TMEM196: variants seen among roughly 807,000 people sequenced by gnomAD.
TMEM196 encodes transmembrane protein 196.
In TMEM196, 17 loss-of-function variants were observed where a neutral mutation model predicts 20.0. The observed-to-expected ratio is 0.85, with a 90% CI of 0.58 to 1.27. TMEM196 has a LOEUF of 1.27. TMEM196 is among the 50% of genes most tolerant of loss of function. TMEM196 has a pLI of 0.00. For synonymous variants in TMEM196, 113 were observed against 88.9 expected (o/e 1.27, Z -1.52); for missense variants, 267 against 223.0 (o/e 1.20, Z -1.26).
intron 1 of TMEM196, among the ~76,000 whole-genome samples, chr7:19,734,693 G>C (rs1784336142): frequency 6.6e-6 from 1 of 152,162 alleles, no homozygotes; most frequent in African/African-American, 2.4e-5. Flanking sequence ...CAAGGAATTT[G>C]ATTCTCCCTG....
intron 1 of TMEM196, among the ~76,000 whole-genome samples, chr7:19,765,459 G>A (rs1187199602): frequency 6.6e-6 from 1 of 152,144 alleles, no homozygotes; most frequent in African/African-American, 2.4e-5. Context: ...CATGGCTTGT[G>A]AAGCTACTAT....
chr7:19,743,002 A>G (rs1784629931), intron 1 of TMEM196, among the ~76,000 whole-genome samples: 1 of 152,060 alleles, frequency 6.6e-6, no homozygotes, highest in Non-Finnish European at 1.5e-5. Context: ...TCTTGTTCAT[A>G]CTTATCTCCA....
intron 1 of TMEM196, among the ~76,000 whole-genome samples, chr7:19,757,002 G>C (rs1765787084): frequency 6.6e-6 from 1 of 152,038 alleles, no homozygotes; most frequent in South Asian, 2.1e-4. Flanking sequence ...CACAGTTCCA[G>C]TAATGGCTAC....
Position 19,766,733 on chromosome 7 carries a change from A to G in TMEM196, c.147+5817T>C, listed in dbSNP as rs901566550. On this transcript the variant is annotated intron_variant, in intron 1 of 4. Transcript: ENST00000405844. ...TGTGTGTATGCAAGTGCATACACAC[A>G]CACACACATCAAAATCTATTATAGC... Among the ~76,000 whole-genome samples the G allele has an allele frequency of 2.6e-5, 4 of 151,606 alleles. No homozygotes were observed. In the South Asian group the frequency reaches 8.3e-4, roughly 31 times the overall value.
chr7:19,758,048 G>A (rs1224029632), intron 1 of TMEM196, among the ~76,000 whole-genome samples: 2 of 150,636 alleles, frequency 1.3e-5, no homozygotes, highest in Admixed American at 6.6e-5. Flanking sequence ...GAATTAAAAA[G>A]AAAATGCTCA....
chr7:19,762,660 C>T (rs1785482618), intron 1 of TMEM196, among the ~76,000 whole-genome samples: 1 of 151,948 alleles, frequency 6.6e-6, no homozygotes, highest in Admixed American at 6.6e-5. Context: ...ATATAAAGCT[C>T]ACAACTTGAA....
chr7:19,745,155 C>T (rs1682056394), intron 1 of TMEM196, among the ~76,000 whole-genome samples: 1 of 152,092 alleles, frequency 6.6e-6, no homozygotes, highest in African/African-American at 2.4e-5. Flanking sequence ...AATGCAAAGA[C>T]AATATAAATG....
chr7:19,727,282 C>T (rs773572601), intron 2 of TMEM196, among the ~76,000 whole-genome samples: 1 of 152,070 alleles, frequency 6.6e-6, no homozygotes, highest in African/African-American at 2.4e-5. Context: ...GAAAGGGATA[C>T]ATGTGTTGCC....
intron 1 of TMEM196, among the ~76,000 whole-genome samples, chr7:19,764,445 A>T (rs528710766): frequency 7.2e-5 from 11 of 152,298 alleles, no homozygotes; most frequent in African/African-American, 1.7e-4. Flanking sequence ...CACCCTAACA[A>T]GGCTGATATC....
At position 19,725,682 on chromosome 7, in the gene TMEM196, A is replaced by C. The variant is rs1478496612; in HGVS notation, c.291T>G (p.Thr97=). The part of the protein sequence containing the change: ...FQFLRAVTKK[T]SSLYPLHLAS... ...CAAGGTGCAGTGGGTATAGGGAGGA[A>C]GTTTTCTTTGTGACTGCCCGGAGGA... The change falls in exon 3 of 5, where the codon ACT becomes ACG. Residue 97 remains threonine, a synonymous_variant. Transcript: ENST00000405844. 6.2e-7 allele frequency: 1 copy of C among 1,613,904 alleles called. No individual in the cohort carries two copies. The highest frequency in any genetic ancestry group is 1.7e-5 in the Admixed American group (1 of 59,994).
rs1372958944 is a variant in TMEM196 at position 19,772,565 on chromosome 7, G to A, written c.132C>T (p.Leu44=). Residue 44 remains leucine, a synonymous_variant, in exon 1 of 5, where the codon CTC becomes CTT. Coordinates refer to ENST00000405844, the MANE Select transcript of TMEM196 (RefSeq NM_001363562.2). The part of the protein sequence containing the change: ...SLALREHKPQ[L]GDSSPFLLCG... ...CGCTCCATACCGGGGACGAGTCTCCGAGCTGCGGCTTGTGCTCTCGGAGGG... is the reference window on the plus strand; with the variant it reads ...CGCTCCATACCGGGGACGAGTCTCCAAGCTGCGGCTTGTGCTCTCGGAGGG... 3.2e-6 allele frequency: 5 copies of A among 1,544,794 alleles called. No individual in the cohort carries two copies. In the South Asian group the frequency reaches 4.8e-5, roughly 15 times the overall value.
chr7:19,725,598 A>G lies in TMEM196; in HGVS notation c.375T>C (p.Thr125=), dbSNP rs1290016002. 7 of 1,614,098 alleles carry G rather than the reference A, an allele frequency of 4.3e-6. No homozygotes were observed. The highest frequency in any genetic ancestry group is 5.1e-6 in the Non-Finnish European group (6 of 1,179,990). The part of the protein sequence containing the change: ...IGGCTLSSWL[T]CRLASYEQRR... The stretch of plus-strand genomic sequence containing the variant: ...TCTGTTCATAACTGGCTAGTCGACA[A>G]GTGAGCCAGGAAGAGAGAGTGCAGC... The change falls in exon 3 of 5, where the codon ACT becomes ACC. Residue 125 remains threonine (T), a synonymous_variant. Transcript: ENST00000405844.
chr7:19,747,645 G>A (rs1291376230), intron 1 of TMEM196, among the ~76,000 whole-genome samples: 2 of 152,170 alleles, frequency 1.3e-5, no homozygotes, highest in East Asian at 3.8e-4. Flanking sequence ...AACTCTAGAG[G>A]CTAACCTCAT....
intron 1 of TMEM196, among the ~76,000 whole-genome samples, chr7:19,740,813 A>T (rs1417625946): frequency 6.6e-6 from 1 of 152,138 alleles, no homozygotes; most frequent in African/African-American, 2.4e-5. Flanking sequence ...TTCAGGAACA[A>T]ACTCAAAAGT....
chr7:19,758,998 A>AT (rs991529264), intron 1 of TMEM196, among the ~76,000 whole-genome samples: 1 of 152,162 alleles, frequency 6.6e-6, no homozygotes, highest in Non-Finnish European at 1.5e-5. Flanking sequence ...TTCTCTTTAC[A>AT]TATTTATTTT....
At chr7:19,728,302 T>C (rs1363019914) in intron 2 of TMEM196, among the ~76,000 whole-genome samples, 1 of 152,140 alleles carries the variant, frequency 6.6e-6, no homozygotes, top group African/African-American at 2.4e-5. Context: ...AGAGTCTTCG[T>C]AGAGGAAGGG....
At chr7:19,764,413 C>A (rs1362118374) in intron 1 of TMEM196, among the ~76,000 whole-genome samples, 1 of 152,138 alleles carries the variant, frequency 6.6e-6, no homozygotes, top group Non-Finnish European at 1.5e-5. Flanking sequence ...CTTCATTTTG[C>A]AGTTTTTACA....
chr7:19,768,737 T>G (rs920515776), intron 1 of TMEM196, among the ~76,000 whole-genome samples: 1 of 152,222 alleles, frequency 6.6e-6, no homozygotes, highest in Non-Finnish European at 1.5e-5. Flanking sequence ...CCTATAGCTT[T>G]CTTTCTCTAT....
At chr7:19,762,900 C>T (rs1253782493) in intron 1 of TMEM196, among the ~76,000 whole-genome samples, 2 of 152,150 alleles carry the variant, frequency 1.3e-5, no homozygotes, top group African/African-American at 2.4e-5. Context: ...TAGCGGTTTC[C>T]GAAAGCTAGC....
Sources: allele counts gnomAD v4.1 joint callset (sites outside exome capture counted in the v4.1 genomes callset), GRCh38; gene constraint gnomAD v4.1.1; transcripts MANE v1.5; gene names NCBI Gene and HGNC (gene_info 2026-07-23, HGNC 2026-07-21).